Variants in RIMS2 observed in about 807,000 individuals in gnomAD.
The protein encoded by RIMS2 is regulating synaptic membrane exocytosis protein 2.
A neutral mutation model predicts 174.4 loss-of-function variants in RIMS2; 59 were observed. That is an observed-to-expected ratio of 0.34 (90% confidence interval 0.27 to 0.42). The LOEUF is 0.42. Ranked by LOEUF, RIMS2 falls within the 10% of genes least tolerant of loss-of-function variation. RIMS2 has a pLI of 1.00. For synonymous variants in RIMS2, 606 were observed against 572.5 expected (o/e 1.06, Z -0.84); for missense variants, 1,620 against 1,666.3 (o/e 0.97, Z 0.48).
At chr8:104,099,554 A>G (rs1353017357) in intron 19 of RIMS2, among the ~76,000 whole-genome samples, 5 of 152,198 alleles carry the variant, frequency 3.3e-5, no homozygotes, top group Non-Finnish European at 7.3e-5. Context: ...ACAGGTGATT[A>G]TGATGCCAGT....
rs558385742 is a variant in RIMS2 at position 103,929,541 on chromosome 8, A to G, written c.2244+1652A>G. Among the ~76,000 whole-genome samples, 5 of 151,746 alleles carry G rather than the reference A, an allele frequency of 3.3e-5. No homozygotes were observed. In the South Asian group the frequency reaches 1.0e-3, roughly 31 times the overall value. On this transcript the variant is annotated intron_variant, in intron 11 of 23. Transcript: ENST00000504942. ...TTTTTCCTTTGAGGCCTTAATATTC[A>G]TGTCATGACCCTCAGAGAAAGCTTT...
intron 1 of RIMS2, among the ~76,000 whole-genome samples, chr8:103,545,672 A>G (rs796525402): frequency 2.1e-4 from 32 of 152,336 alleles, no homozygotes; most frequent in South Asian, 1.9e-3. Flanking sequence ...GCTAACAGTG[A>G]ATTTTTCAGC....
chr8:103,879,843 C>T (rs1369223913), intron 3 of RIMS2, among the ~76,000 whole-genome samples: 1 of 151,472 alleles, frequency 6.6e-6, no homozygotes, highest in East Asian at 1.9e-4. Context: ...ATATTAGTAT[C>T]CAGATAACTG....
At chr8:104,201,731 A>G (rs2099055904) in intron 19 of RIMS2, among the ~76,000 whole-genome samples, 2 of 152,178 alleles carry the variant, frequency 1.3e-5, no homozygotes, top group South Asian at 2.1e-4. Flanking sequence ...CGGGGCATCT[A>G]TTTTCTTTGG....
intron 3 of RIMS2, among the ~76,000 whole-genome samples, chr8:103,830,876 T>G (rs1358141048): frequency 6.6e-6 from 1 of 152,202 alleles, no homozygotes; most frequent in Non-Finnish European, 1.5e-5. Context: ...TAGTGCAGCC[T>G]TGGCTCACCA....
chr8:103,569,011 A>T (rs1176337535), intron 1 of RIMS2: 11 of 474,616 alleles, frequency 2.3e-5, no homozygotes, highest in Admixed American at 6.9e-5. Context: ...CACTTTCTTG[A>T]TGGAGGCCTT....
chr8:103,821,876 T>A (rs1463060463), intron 3 of RIMS2, among the ~76,000 whole-genome samples: 1 of 151,640 alleles, frequency 6.6e-6, no homozygotes, highest in Non-Finnish European at 1.5e-5. Flanking sequence ...AGATCTCATA[T>A]GCAAGAATTT....
At chr8:103,632,388 T>C (rs909150310) in intron 1 of RIMS2, among the ~76,000 whole-genome samples, 2 of 152,242 alleles carry the variant, frequency 1.3e-5, no homozygotes, top group African/African-American at 4.8e-5. Flanking sequence ...ATGTGTTTTT[T>C]TGTCTTCAGT....
rs751365675 is a variant in RIMS2, at chr8:103,587,452, GAAAGAAAGAAAGAAAGA to G, written c.176+86393_176+86409del. ...AGAAAGAAAGAAAGAAAGAAAGAAA[GAAAGAAAGAAAGAAAGA>G]AACTATGCACCAATATTTCTGATGA... is the stretch of plus-strand genomic sequence containing the variant. On this transcript the variant is annotated intron_variant, in intron 1 of 23. Transcript: ENST00000504942. Among the ~76,000 whole-genome samples the G allele has an allele frequency of 6.4e-3, 782 of 122,378 alleles. 7 individuals carry two copies. The highest frequency in any genetic ancestry group is 0.017 in the South Asian group (70 of 4,208). The allele number at this position is 122,378 out of a possible 152,430, so 80.3% of individuals were successfully genotyped here.
intron 2 of RIMS2, among the ~76,000 whole-genome samples, chr8:103,706,999 A>G (rs1222543930): frequency 6.6e-6 from 1 of 151,920 alleles, no homozygotes; most frequent in Non-Finnish European, 1.5e-5. Context: ...TTTTTATCCT[A>G]TGCGAATTTT....
chr8:103,968,973 C>T (rs1366430160), intron 15 of RIMS2, among the ~76,000 whole-genome samples: 1 of 152,086 alleles, frequency 6.6e-6, no homozygotes, highest in South Asian at 2.1e-4. Context: ...GATAATTTCA[C>T]AGGTCCTAGG....
chr8:103,977,651 G>A (rs2154548779), intron 16 of RIMS2, among the ~76,000 whole-genome samples: 1 of 152,184 alleles, frequency 6.6e-6, no homozygotes, highest in Non-Finnish European at 1.5e-5. Context: ...ATTTTAAAGG[G>A]ATAAAGGCTC....
At chr8:104,102,186 G>A (rs557455684) in intron 19 of RIMS2, among the ~76,000 whole-genome samples, 10 of 152,250 alleles carry the variant, frequency 6.6e-5, no homozygotes, top group African/African-American at 2.4e-4. Context: ...TGTCCCAGGG[G>A]CATGCTAAGC....
intron 3 of RIMS2, among the ~76,000 whole-genome samples, chr8:103,883,655 C>CT (rs914405027): frequency 6.6e-6 from 1 of 151,802 alleles, no homozygotes; most frequent in African/African-American, 2.4e-5. Context: ...AATTTTTTCA[C>CT]TTTCTACAGT....
chr8:103,711,192 A>G (rs891635622), intron 2 of RIMS2, among the ~76,000 whole-genome samples: 2 of 152,210 alleles, frequency 1.3e-5, no homozygotes, highest in African/African-American at 4.8e-5. Context: ...CCTATTCTGA[A>G]TCTAGCTTTT....
intron 1 of RIMS2, among the ~76,000 whole-genome samples, chr8:103,591,305 G>C (rs1220269511): frequency 6.6e-6 from 1 of 150,540 alleles, no homozygotes; most frequent in East Asian, 1.9e-4. Context: ...ATTCATGCTG[G>C]ATATGAATTT....
rs77791092 is a variant in RIMS2 at position 104,017,439 on chromosome 8, T to C, written c.3334+2824T>C. On this transcript the variant is annotated intron_variant, in intron 19 of 23. Coordinates refer to ENST00000504942, the Ensembl canonical transcript of RIMS2. ...TTATATATTTAGCCATTTATCTTTG[T>C]TTAGAACCAGAGAAGTAAAATAAGA... is the stretch of plus-strand genomic sequence containing the variant. Among the ~76,000 whole-genome samples the C allele has an allele frequency of 3.3e-4, 50 of 152,180 alleles. No individual in the cohort carries two copies. In the East Asian group the frequency reaches 4.1e-3, roughly 12 times the overall value.
intron 1 of RIMS2, among the ~76,000 whole-genome samples, chr8:103,629,333 G>A (rs2095859025): frequency 6.6e-6 from 1 of 152,204 alleles, no homozygotes; most frequent in Non-Finnish European, 1.5e-5. Flanking sequence ...AATGCATGAA[G>A]CTGACCAAAA....
chr8:103,674,108 G>A (rs2096779285), intron 1 of RIMS2, among the ~76,000 whole-genome samples: 1 of 152,184 alleles, frequency 6.6e-6, no homozygotes, highest in South Asian at 2.1e-4. Context: ...ATTTGTTCCA[G>A]CTCCCAGTAA....
Sources: allele counts gnomAD v4.1 joint callset (sites outside exome capture counted in the v4.1 genomes callset), GRCh38; gene constraint gnomAD v4.1.1; transcripts MANE v1.5; gene names NCBI Gene and HGNC (gene_info 2026-07-23, HGNC 2026-07-21).